The following ODF2L variants were observed in gnomAD, a reference collection of about 807,000 sequenced individuals.
ODF2L encodes the protein outer dense fiber of sperm tails 2 like.
A neutral mutation model predicts 86.3 loss-of-function variants in ODF2L; 76 were observed. The ratio of observed to expected loss-of-function variants is 0.88; its 90% CI spans 0.73 to 1.07. The LOEUF is 1.07. ODF2L is among the 50% of genes least tolerant of loss of function. The probability of loss-of-function intolerance (pLI) is 0.00; values close to 1 mark genes in which losing one functional copy is unlikely to be tolerated. For missense variants in ODF2L, 748 were observed against 717.4 expected, an observed-to-expected ratio of 1.04 and a Z score of -0.49; for synonymous variants, 241 against 231.3, an observed-to-expected ratio of 1.04 and a Z score of -0.38.
chr1:86,375,739 A>G (rs1660123131), intron 8 of ODF2L, among the ~76,000 whole-genome samples: 1 of 152,224 alleles, frequency 6.6e-6, no homozygotes, highest in South Asian at 2.1e-4. Flanking sequence ...AATAACATAA[A>G]TCAGCATTTC....
chr1:86,377,865 C>T (rs547627097), intron 7 of ODF2L, among the ~76,000 whole-genome samples: 3 of 152,336 alleles, frequency 2.0e-5, no homozygotes, highest in African/African-American at 7.2e-5. Flanking sequence ...CTCTGACATA[C>T]CCCAGAAACA....
chr1:86,360,291 AT>A, intron 12 of ODF2L, 134 bp downstream of exon 11: 1 of 539,350 alleles, frequency 1.9e-6, no homozygotes, highest in African/African-American at 2.0e-5. Flanking sequence ...CTTAAGAAAT[AT>A]TTGAGACACA....
chr1:86,383,013 T>C lies in ODF2L; in HGVS notation c.436-11A>G. On this transcript the variant is annotated splice_polypyrimidine_tract_variant and intron_variant, in intron 5 of 17. Coordinates refer to ENST00000317336, the Ensembl canonical transcript of ODF2L. ...CTTCTTCTTAAGATTCTTGAGCAAA[T>C]ATAAAATAAGAATTAGGAATTTCAC... is the stretch of plus-strand genomic sequence containing the variant. The C allele has an allele frequency of 2.1e-6, 3 of 1,438,598 alleles. No homozygotes were observed. Among genetic ancestry groups the C allele is most frequent in the Non-Finnish European group, 2.9e-6 (3 of 1,023,134 alleles). The allele number at this position is 1,438,598 out of a possible 1,614,324, so 89.1% of individuals were successfully genotyped here.
chr1:86,391,915 CCA>C (rs1661359902), intron 1 of ODF2L, among the ~76,000 whole-genome samples: 1 of 152,138 alleles, frequency 6.6e-6, no homozygotes, highest in Non-Finnish European at 1.5e-5. Flanking sequence ...AACAGACAAC[CCA>C]CAGAGTGGGA....
intron 7 of ODF2L, among the ~76,000 whole-genome samples, chr1:86,381,344 C>A (rs1660571968): frequency 6.6e-6 from 1 of 151,952 alleles, no homozygotes; most frequent in South Asian, 2.1e-4. Context: ...TATGACAGAC[C>A]ACTGCAATAC....
intron 11 of ODF2L, among the ~76,000 whole-genome samples, chr1:86,366,435 T>C (rs166628): frequency 0.089 from 9,168 of 102,832 alleles, 327 homozygotes; most frequent in South Asian, 0.11. Context: ...CACACACACA[T>C]ACACATACAC....
chr1:86,368,563 A>G, intron 11 of ODF2L: 1 of 1,246,824 alleles, frequency 8.0e-7, no homozygotes, highest in Non-Finnish European at 1.0e-6. Flanking sequence ...CAAACACTAC[A>G]AATCAAAAAC....
chr1:86,349,143 TA>T (rs1657961614), downstream of ODF2L: 1 of 192,870 alleles, frequency 5.2e-6, no homozygotes, highest in Non-Finnish European at 1.0e-5. Flanking sequence ...ATGATTAACT[TA>T]ATAGGTTAAC....
At chr1:86,353,032 T>C (rs866993221) in intron 16 of ODF2L, 48 bp from the exon 16 acceptor site, 11 of 1,218,614 alleles carry the variant, frequency 9.0e-6, no homozygotes, top group Middle Eastern at 4.2e-4. Context: ...CTTTAAAATA[T>C]GATTTAAAGC....
At chr1:86,349,753 G>C (rs1352692392), downstream of ODF2L, 4 of 152,160 alleles carry the variant, frequency 2.6e-5, no homozygotes, top group Non-Finnish European at 5.9e-5. Context: ...GACATTTCAG[G>C]CTTCCCGAGG....
intron 12 of ODF2L, among the ~76,000 whole-genome samples, chr1:86,359,725 T>C (rs964779666): frequency 2.0e-5 from 3 of 151,312 alleles, no homozygotes; most frequent in African/African-American, 7.3e-5. Context: ...GGTTTCACCA[T>C]GGTGGCCAGG....
At chr1:86,352,873 A>C in exon 17 of ODF2L, 2 of 1,538,470 alleles carry the variant, frequency 1.3e-6, no homozygotes. Flanking sequence ...TTCATTTTGC[A>C]AACAAGTTGA....
At chr1:86,371,951 G>A (rs1659811711) in intron 9 of ODF2L, among the ~76,000 whole-genome samples, 1 of 152,122 alleles carries the variant, frequency 6.6e-6, no homozygotes. Flanking sequence ...ACTTTGGGAG[G>A]CCGAGGCAGG....
chr1:86,387,614 G>A (rs138508006), intron 1 of ODF2L, among the ~76,000 whole-genome samples: 75 of 152,244 alleles, frequency 4.9e-4, no homozygotes, highest in African/African-American at 1.8e-3. Flanking sequence ...TATTATTGGT[G>A]ATAGTGAAAA....
chr1:86,386,290 T>A (rs1331024048), intron 2 of ODF2L: 1 of 152,208 alleles, frequency 6.6e-6, no homozygotes, highest in African/African-American at 2.4e-5. Context: ...ATTCATTAAC[T>A]ACATTTCTGA....
chr1:86,359,268 C>T (rs1261323739), intron 12 of ODF2L, among the ~76,000 whole-genome samples: 1 of 151,788 alleles, frequency 6.6e-6, no homozygotes, highest in Non-Finnish European at 1.5e-5. Context: ...ATTCTAGGCC[C>T]TGCACCCAGA....
intron 14 of ODF2L, 119 bp downstream of exon 13, chr1:86,356,325 C>T (rs1186869095): frequency 1.5e-5 from 10 of 687,874 alleles, no homozygotes; most frequent in Middle Eastern, 4.2e-4. Context: ...TGATGTTTTA[C>T]GAACTAAGTA....
At chr1:86,349,142 T>G, downstream of ODF2L, 1 of 193,288 alleles carries the variant, frequency 5.2e-6, no homozygotes, top group Admixed American at 6.1e-5. Context: ...CATGATTAAC[T>G]TAATAGGTTA....
downstream of ODF2L, chr1:86,348,839 T>G: frequency 6.4e-7 from 1 of 1,561,496 alleles, no homozygotes; most frequent in Non-Finnish European, 8.6e-7. Context: ...TCAAGACTAT[T>G]TTGTACTTCT....
Sources: allele counts gnomAD v4.1 joint callset (sites outside exome capture counted in the v4.1 genomes callset), GRCh38; gene constraint gnomAD v4.1.1; transcripts MANE v1.5; gene names NCBI Gene and HGNC (gene_info 2026-07-23, HGNC 2026-07-21).